Variants in ARHGAP28 observed in about 807,000 individuals in gnomAD.
ARHGAP28 encodes the protein rho GTPase-activating protein 28.
In ARHGAP28, 56 loss-of-function variants were observed where a neutral mutation model predicts 90.7. That is an observed-to-expected ratio of 0.62 (90% confidence interval 0.50 to 0.77). The LOEUF (loss-of-function observed/expected upper bound fraction) is 0.77. Ranked by LOEUF, ARHGAP28 falls within the 30% of genes least tolerant of loss-of-function variation. The pLI, the probability that ARHGAP28 is intolerant of heterozygous loss-of-function variation, is 0.00. For synonymous variants in ARHGAP28, 308 were observed against 323.3 expected (o/e 0.95, Z 0.51); for missense variants, 869 against 900.9 (o/e 0.96, Z 0.45).
chr18:6,890,582 T>A, intron 14 of ARHGAP28, 39 bp downstream of exon 14: 1 of 1,345,492 alleles, frequency 7.4e-7, no homozygotes, highest in Non-Finnish European at 1.0e-6. Flanking sequence ...GTCCACTGCC[T>A]AGATTTGTAC....
chr18:6,743,242 TCTTA>T (rs1350617792), intron 1 of ARHGAP28, among the ~76,000 whole-genome samples: 1 of 152,236 alleles, frequency 6.6e-6, no homozygotes, highest in African/African-American at 2.4e-5. Flanking sequence ...CCATTTCTTT[TCTTA>T]CTTAAAATCC....
rs565172850 is a variant in ARHGAP28, at chr18:6,851,234, A to G, written c.636+108A>G. On this transcript the variant is annotated intron_variant, in intron 4 of 17. Transcript: ENST00000383472. ...GCAACATAATTAAGATGGCTGGACA[A>G]CCACAGATTTCAACACACTTATCTA... 1.5e-5 allele frequency: 14 copies of G among 962,246 alleles called. No homozygotes were observed. The Admixed American group carries it at 3.0e-4, about 20-fold the overall frequency. The allele number at this position is 962,246 out of a possible 1,614,324, so 59.6% of individuals were successfully genotyped here. A position where few individuals can be genotyped will look rare whatever the true frequency, so the allele number is the denominator to read the frequency against.
chr18:6,895,146 T>C (rs4797263), intron 15 of ARHGAP28, among the ~76,000 whole-genome samples: 80,027 of 151,974 alleles, frequency 0.53, 21,406 homozygotes, highest in East Asian at 0.63. Context: ...CGGTAAGTAA[T>C]GTCAGAGTGT....
chr18:6,793,294 C>G (rs16950607), intron 1 of ARHGAP28, among the ~76,000 whole-genome samples: 4,609 of 152,240 alleles, frequency 0.03, 156 homozygotes, highest in African/African-American at 0.08. Flanking sequence ...TCTTTTTATG[C>G]TCAAAATAAG....
chr18:6,904,403 T>A (rs1338057589), intron 16 of ARHGAP28, among the ~76,000 whole-genome samples: 1 of 151,974 alleles, frequency 6.6e-6, no homozygotes, highest in African/African-American at 2.4e-5. Flanking sequence ...CAAAAATGAA[T>A]AAATAAATAA....
rs1476742152 is a variant in ARHGAP28 at position 6,873,497 on chromosome 18, T to C, written c.1043T>C (p.Leu348Pro). ...ATGAAGAAAATCCGCCATCTCTCTC[T>C]GATTGAATTGACTGCCTTTTTTGAT... ...EDMKKIRHLS[L>P]IELTAFFDAF... The change falls in exon 8 of 18, where the codon CTG becomes CCG. Residue 348 changes from leucine to proline, a missense_variant. Coordinates refer to ENST00000383472, the MANE Select transcript of ARHGAP28 (RefSeq NM_001366230.1). 1.9e-6 allele frequency: 3 copies of C among 1,614,210 alleles called. No individual in the cohort carries two copies. The highest frequency in any genetic ancestry group is 1.7e-6 in the Non-Finnish European group (2 of 1,180,034).
intron 16 of ARHGAP28, among the ~76,000 whole-genome samples, chr18:6,908,532 C>T (rs2057376894): frequency 6.6e-6 from 1 of 152,202 alleles, no homozygotes; most frequent in Non-Finnish European, 1.5e-5. Context: ...GTGACATGGG[C>T]TGATAATTCC....
rs193017355 is a variant in ARHGAP28 at position 6,912,263 on chromosome 18, A to C, written c.*109A>C. ...ACGTATTTGTTCCTACAGCATTCTC[A>C]GTATTTCTGGCCCTCAGCAGTGGGC... On this transcript the variant is annotated 3_prime_UTR_variant, in exon 18 of 18. Transcript: ENST00000383472. 3 of 580,472 alleles carry C rather than the reference A, an allele frequency of 5.2e-6. No individual in the cohort carries two copies. Among genetic ancestry groups the C allele is most frequent in the Admixed American group, 6.5e-5 (2 of 30,616 alleles). The allele number at this position is 580,472 out of a possible 1,614,324, so 36.0% of individuals were successfully genotyped here.
intron 5 of ARHGAP28, among the ~76,000 whole-genome samples, chr18:6,864,547 T>G (rs1025669341): frequency 1.1e-4 from 16 of 152,350 alleles, no homozygotes; most frequent in African/African-American, 3.6e-4. Flanking sequence ...AAATGTTTAT[T>G]TACATTATAA....
intron 1 of ARHGAP28, among the ~76,000 whole-genome samples, chr18:6,751,492 TG>T (rs2056068876): frequency 6.6e-6 from 1 of 152,220 alleles, no homozygotes; most frequent in Admixed American, 6.5e-5. Flanking sequence ...TAGGGCTCAG[TG>T]ACTTAGGATG....
At chr18:6,866,137 C>G (rs574857660) in intron 5 of ARHGAP28, among the ~76,000 whole-genome samples, 1 of 152,246 alleles carries the variant, frequency 6.6e-6, no homozygotes, top group Non-Finnish European at 1.5e-5. Flanking sequence ...TATTGGCTGC[C>G]ACTGTTCCTT....
intron 16 of ARHGAP28, among the ~76,000 whole-genome samples, chr18:6,902,849 T>A (rs1416116664): frequency 6.6e-6 from 1 of 152,168 alleles, no homozygotes. Flanking sequence ...CAGGGGCTCA[T>A]GGAGACATTT....
intron 1 of ARHGAP28, among the ~76,000 whole-genome samples, chr18:6,803,840 G>A (rs753766904): frequency 1.5e-4 from 22 of 151,698 alleles, no homozygotes; most frequent in Non-Finnish European, 2.2e-4. Context: ...GTGCAGTGGC[G>A]CGATCTTGGC....
rs188957027 is a variant in ARHGAP28 at position 6,912,249 on chromosome 18, C to G, written c.*95C>G. ...CAACACTGTGTTTGACGTATTTGTT[C>G]CTACAGCATTCTCAGTATTTCTGGC... On this transcript the variant is annotated 3_prime_UTR_variant, in exon 18 of 18. Coordinates refer to ENST00000383472, the MANE Select transcript of ARHGAP28 (RefSeq NM_001366230.1). 19 of 643,790 alleles carry G rather than the reference C, an allele frequency of 3.0e-5. No homozygotes were observed. In the Admixed American group the frequency reaches 5.5e-4, roughly 18 times the overall value. The allele number at this position is 643,790 out of a possible 1,614,324, so 39.9% of individuals were successfully genotyped here.
chr18:6,806,749 A>G (rs889402462), intron 1 of ARHGAP28, among the ~76,000 whole-genome samples: 1 of 151,864 alleles, frequency 6.6e-6, no homozygotes, highest in Admixed American at 6.6e-5. Flanking sequence ...ATTTGGTATC[A>G]TTTTCCTTCT....
intron 10 of ARHGAP28, 114 bp downstream of exon 10, chr18:6,876,322 C>T: frequency 2.6e-6 from 2 of 758,298 alleles, no homozygotes; most frequent in African/African-American, 1.7e-5. Context: ...ATCACTTGGT[C>T]CTTCCTAGTA....
chr18:6,729,863 C>A lies in ARHGAP28; in HGVS notation c.42C>A (p.Tyr14Ter). 7.0e-7 allele frequency: 1 copy of A among 1,436,608 alleles called. No individual in the cohort carries two copies. Among genetic ancestry groups the A allele is most frequent in the Middle Eastern group, 2.3e-4 (1 of 4,260 alleles). The allele number at this position is 1,436,608 out of a possible 1,614,324, so 89.0% of individuals were successfully genotyped here. A position where few individuals can be genotyped will look rare whatever the true frequency, so the allele number is the denominator to read the frequency against. The change falls in exon 1 of 18, where the codon TAC (tyrosine) becomes TAA (stop). Residue 14 changes from tyrosine to a stop codon, truncating the protein, a stop_gained. Coordinates refer to ENST00000383472, the MANE Select transcript of ARHGAP28 (RefSeq NM_001366230.1). LOFTEE classifies it high-confidence loss of function. ...CGGGCGGCGTGGTGCTGACCGCCTACCACTCGTACGCGCGCGCCCAGCCCC... is the reference window on the plus strand; with the variant it reads ...CGGGCGGCGTGGTGCTGACCGCCTAACACTCGTACGCGCGCGCCCAGCCCC... ...EDSGGVVLTA[Y>*]HSYARAQPPN...
At chr18:6,827,731 C>T (rs2056682348) in intron 2 of ARHGAP28, among the ~76,000 whole-genome samples, 1 of 151,346 alleles carries the variant, frequency 6.6e-6, no homozygotes, top group Admixed American at 6.6e-5. Flanking sequence ...GGTGGAGGGG[C>T]TCCTCATTTC....
At chr18:6,809,557 C>T (rs1034553413) in intron 1 of ARHGAP28, among the ~76,000 whole-genome samples, 2 of 152,124 alleles carry the variant, frequency 1.3e-5, no homozygotes, top group Non-Finnish European at 2.9e-5. Flanking sequence ...GAAGGGGAAG[C>T]AGGCACATAT....
Sources: gnomAD v4.1 joint callset for allele counts (sites outside exome capture counted in the v4.1 genomes callset) on GRCh38, gnomAD v4.1.1 for gene constraint, MANE v1.5 for transcripts, NCBI Gene and HGNC (gene_info 2026-07-23, HGNC 2026-07-21) for gene names.